Variants in TBC1D4 observed in about 807,000 individuals in gnomAD.
TBC1D4 encodes the protein TBC1 domain family member 4.
In TBC1D4, 121 loss-of-function variants were observed where a neutral mutation model predicts 142.5. That is an observed-to-expected ratio of 0.85 (90% CI 0.73 to 0.99). The LOEUF (loss-of-function observed/expected upper bound fraction) is 0.99, where lower values mean the gene tolerates loss of function less well. Among genes scored for constraint, TBC1D4 ranks in the 50% least tolerant of loss-of-function variants. The pLI, the probability that TBC1D4 is intolerant of heterozygous loss-of-function variation, is 0.00. For synonymous variants in TBC1D4, 630 were observed against 628.2 expected, an observed-to-expected ratio of 1.00 and a Z score of -0.04; for missense variants, 1,475 against 1,606.6, an observed-to-expected ratio of 0.92 and a Z score of 1.40.
chr13:75,414,284 C>T (rs1885818477), intron 1 of TBC1D4, among the ~76,000 whole-genome samples: 1 of 152,146 alleles, frequency 6.6e-6, no homozygotes, highest in Non-Finnish European at 1.5e-5. Context: ...TGATAACAAG[C>T]ACATAAATCT....
At chr13:75,330,195 C>A (rs962402220) in intron 8 of TBC1D4, among the ~76,000 whole-genome samples, 3 of 152,032 alleles carry the variant, frequency 2.0e-5, no homozygotes, top group Non-Finnish European at 4.4e-5. Context: ...TCTGAAAGGC[C>A]TTTTTTCAAC....
intron 14 of TBC1D4, 124 bp from the exon 15 acceptor site, chr13:75,306,595 A>G (rs761565683): frequency 8.5e-6 from 10 of 1,176,240 alleles, no homozygotes; most frequent in African/African-American, 4.6e-5. Context: ...TGTATCTCAA[A>G]AAGAAAATTT....
In TBC1D4 at chr13:75,481,898, ACCCCG is replaced by A; in HGVS notation, c.-136_-132del. 1 of 1,290,568 alleles carries A rather than the reference ACCCCG, an allele frequency of 7.7e-7. No individual in the cohort carries two copies. The highest frequency in any genetic ancestry group is 1.6e-5 in the African/African-American group (1 of 63,398). The allele number at this position is 1,290,568 out of a possible 1,614,324, so 79.9% of individuals were successfully genotyped here. On this transcript the variant is annotated 5_prime_UTR_variant, in exon 1 of 21. Coordinates refer to ENST00000377636, the MANE Select transcript of TBC1D4 (RefSeq NM_014832.5). Reference sequence around the variant, plus strand: ...CCCGCGCCTGCCTGGGAGCGGCGCGACCCCGAACTCCGCGCTTCAGCAGCCCTGCC... The same window carrying A: ...CCCGCGCCTGCCTGGGAGCGGCGCGAAACTCCGCGCTTCAGCAGCCCTGCC...
chr13:75,426,999 T>A, intron 1 of TBC1D4, among the ~76,000 whole-genome samples: 1 of 152,050 alleles, frequency 6.6e-6, no homozygotes, highest in Non-Finnish European at 1.5e-5. Context: ...CAGTCAGCTA[T>A]GATTGTGCCA....
chr13:75,469,684 A>C (rs746274178), intron 1 of TBC1D4, among the ~76,000 whole-genome samples: 1 of 152,102 alleles, frequency 6.6e-6, no homozygotes, highest in Non-Finnish European at 1.5e-5. Flanking sequence ...CTGAGGTGGG[A>C]GGATCACTTG....
chr13:75,410,102 T>C (rs1885562355), intron 1 of TBC1D4, among the ~76,000 whole-genome samples: 1 of 152,336 alleles, frequency 6.6e-6, no homozygotes, highest in Middle Eastern at 3.4e-3. Context: ...TTGTGAGGTT[T>C]AAATAAGCTA....
At chr13:75,466,555 C>T (rs528106744) in intron 1 of TBC1D4, among the ~76,000 whole-genome samples, 11 of 152,216 alleles carry the variant, frequency 7.2e-5, no homozygotes, top group East Asian at 3.9e-4. Flanking sequence ...TTCTCTTTCA[C>T]GGTAGTAGCG....
Position 75,426,951 on chromosome 13 carries a change from AG to A in TBC1D4, c.498+54318del, listed in dbSNP as rs540560499. Among the ~76,000 whole-genome samples the A allele has an allele frequency of 5.5e-3, 832 of 151,818 alleles. 9 individuals are homozygous for A. The highest frequency in any genetic ancestry group is 7.2e-3 in the Non-Finnish European group (489 of 67,954). On this transcript the variant is annotated intron_variant, in intron 1 of 20. Coordinates refer to ENST00000377636, the MANE Select transcript of TBC1D4 (RefSeq NM_014832.5). The stretch of plus-strand genomic sequence containing the variant: ...GTAGTCCCAGCTACTCGGGAGGCTG[AG>A]GTGGGATGACTGCTTGAGCCTGAGA...
At chr13:75,308,474 C>T (rs1340117903) in intron 14 of TBC1D4, among the ~76,000 whole-genome samples, 1 of 152,158 alleles carries the variant, frequency 6.6e-6, no homozygotes, top group Non-Finnish European at 1.5e-5. Context: ...TTTCCCAAGC[C>T]AGTCACTACT....
chr13:75,372,936 G>A (rs368883577), intron 1 of TBC1D4, among the ~76,000 whole-genome samples: 19 of 152,246 alleles, frequency 1.2e-4, no homozygotes, highest in Middle Eastern at 3.4e-3. Flanking sequence ...GGAAACATAC[G>A]TCTTGGTCCT....
At chr13:75,449,580 A>T (rs527261813) in intron 1 of TBC1D4, among the ~76,000 whole-genome samples, 64 of 150,976 alleles carry the variant, frequency 4.2e-4, no homozygotes, top group Non-Finnish European at 6.9e-4. Flanking sequence ...CAGTTTTAAC[A>T]TACATAGTTT....
In TBC1D4 at chr13:75,481,807, C is replaced by T. The variant is rs904769718; in HGVS notation, c.-40G>A. Reference sequence around the variant, plus strand: ...CAGGGCACCGCGGAGGCCGGCCGGGCGCACCGCGCCCCCCACTCCCGCGCA... The same window carrying T: ...CAGGGCACCGCGGAGGCCGGCCGGGTGCACCGCGCCCCCCACTCCCGCGCA... On this transcript the variant is annotated 5_prime_UTR_variant, in exon 1 of 21. Transcript: ENST00000377636. 1.0e-5 allele frequency: 15 copies of T among 1,458,144 alleles called. No individual in the cohort carries two copies. The African/African-American group carries it at 1.8e-4, about 17-fold the overall frequency. The allele number at this position is 1,458,144 out of a possible 1,614,324, so 90.3% of individuals were successfully genotyped here.
At chr13:75,404,949 T>C (rs1247524116) in intron 1 of TBC1D4, among the ~76,000 whole-genome samples, 1 of 152,166 alleles carries the variant, frequency 6.6e-6, no homozygotes. Flanking sequence ...TGCAATTGAT[T>C]TGACAGCTGT....
At chr13:75,370,048 T>C (rs1883141527) in intron 1 of TBC1D4, among the ~76,000 whole-genome samples, 1 of 152,168 alleles carries the variant, frequency 6.6e-6, no homozygotes, top group Non-Finnish European at 1.5e-5. Context: ...GAAAGGACTC[T>C]CTATAAGATG....
In TBC1D4 at chr13:75,329,957, C is replaced by T. The variant is rs149811632; in HGVS notation, c.1732-2131G>A. ...TTGGCATTGTGAAATTTCACAACGACGTGCCTTAGCATGACTTTTACACAG... is the reference window on the plus strand; with the variant it reads ...TTGGCATTGTGAAATTTCACAACGATGTGCCTTAGCATGACTTTTACACAG... On this transcript the variant is annotated intron_variant, in intron 8 of 20. Coordinates refer to ENST00000377636, the MANE Select transcript of TBC1D4 (RefSeq NM_014832.5). Among the ~76,000 whole-genome samples the T allele has an allele frequency of 8.4e-4, 128 of 152,348 alleles. 1 individual carries two copies. In the East Asian group the frequency reaches 0.021, roughly 25 times the overall value.
In TBC1D4 at chr13:75,286,768, T is replaced by A. The variant is rs1288812117; in HGVS notation, c.*24A>T. 2 of 1,608,538 alleles carry A rather than the reference T, an allele frequency of 1.2e-6. No homozygotes were observed. Among genetic ancestry groups the A allele is most frequent in the Non-Finnish European group, 1.7e-6 (2 of 1,176,518 alleles). Reference sequence around the variant, plus strand: ...CTCTGTAGTATTCTAAGGAGCACTTTCTGCTGAGGCCGTGCCTCTTCAATT... The same window carrying A: ...CTCTGTAGTATTCTAAGGAGCACTTACTGCTGAGGCCGTGCCTCTTCAATT... On this transcript the variant is annotated 3_prime_UTR_variant, in exon 21 of 21. Transcript: ENST00000377636.
At chr13:75,342,407 A>T (rs1880789007) in intron 5 of TBC1D4, among the ~76,000 whole-genome samples, 1 of 152,224 alleles carries the variant, frequency 6.6e-6, no homozygotes, top group Non-Finnish European at 1.5e-5. Context: ...AAGAACAAGT[A>T]ATAATATTAA....
chr13:75,307,268 T>C (rs912894847), intron 14 of TBC1D4, among the ~76,000 whole-genome samples: 2 of 152,218 alleles, frequency 1.3e-5, no homozygotes, highest in African/African-American at 4.8e-5. Flanking sequence ...AGCCCTCCTG[T>C]GTTCATTTGT....
intron 14 of TBC1D4, among the ~76,000 whole-genome samples, chr13:75,309,090 G>T (rs188061911): frequency 9.2e-5 from 14 of 152,122 alleles, no homozygotes; most frequent in African/African-American, 3.4e-4. Flanking sequence ...AATCTTAAAA[G>T]TCAAACGGAC....
Sources: gnomAD v4.1 joint callset for allele counts (sites outside exome capture counted in the v4.1 genomes callset) on GRCh38, gnomAD v4.1.1 for gene constraint, MANE v1.5 for transcripts, NCBI Gene and HGNC (gene_info 2026-07-23, HGNC 2026-07-21) for gene names.